FMN1: variants seen among roughly 807,000 people sequenced by gnomAD.
The protein encoded by FMN1 is formin-1.
In FMN1, 110 loss-of-function variants were observed where a neutral mutation model predicts 132.4. That is an observed-to-expected ratio of 0.83 (90% CI 0.71 to 0.97). The LOEUF (loss-of-function observed/expected upper bound fraction) is 0.97. Among genes scored for constraint, FMN1 ranks in the 50% least tolerant of loss-of-function variants. The pLI, the probability that FMN1 is intolerant of heterozygous loss-of-function variation, is 0.00. For synonymous variants in FMN1, 722 were observed against 651.7 expected (o/e 1.11, Z -1.64); for missense variants, 1,792 against 1,705.3 (o/e 1.05, Z -0.90).
chr15:32,984,306 C>CT (rs1160234639), intron 7 of FMN1, among the ~76,000 whole-genome samples: 1 of 151,900 alleles, frequency 6.6e-6, no homozygotes, highest in Non-Finnish European at 1.5e-5. Flanking sequence ...AATATTTTTT[C>CT]TTAGTTTTAA....
intron 7 of FMN1, among the ~76,000 whole-genome samples, chr15:32,975,920 C>T (rs2032165103): frequency 6.6e-6 from 1 of 152,198 alleles, no homozygotes; most frequent in East Asian, 1.9e-4. Context: ...TCAGAGATAT[C>T]ATCGAAGGAA....
intron 6 of FMN1, among the ~76,000 whole-genome samples, chr15:33,015,154 CCTT>C (rs1299551326): frequency 6.6e-6 from 1 of 152,184 alleles, no homozygotes; most frequent in African/African-American, 2.4e-5. Context: ...TTGTTTATTC[CCTT>C]GTTTTCGTTC....
At chr15:32,903,198 CAAGGAATATCCATAAGAGAA>C in intron 12 of FMN1, among the ~76,000 whole-genome samples, 1 of 152,122 alleles carries the variant, frequency 6.6e-6, no homozygotes, top group South Asian at 2.1e-4. Context: ...TTAATGAAAG[CAAGGAATATCCATAAGAGAA>C]AACACAATCT....
intron 7 of FMN1, among the ~76,000 whole-genome samples, chr15:32,973,220 C>G (rs1300517352): frequency 6.6e-6 from 1 of 152,224 alleles, no homozygotes; most frequent in Non-Finnish European, 1.5e-5. Context: ...CACACATCAA[C>G]AGCTCTTCTG....
chr15:32,878,547 T>C (rs1374157819), intron 16 of FMN1, among the ~76,000 whole-genome samples: 1 of 152,168 alleles, frequency 6.6e-6, no homozygotes, highest in African/African-American at 2.4e-5. Context: ...CAGGACTAGC[T>C]GTCAGACATG....
intron 4 of FMN1, among the ~76,000 whole-genome samples, chr15:33,134,728 G>A (rs569830511): frequency 1.3e-5 from 2 of 152,202 alleles, no homozygotes; most frequent in African/African-American, 4.8e-5. Context: ...AAGGCCAGGT[G>A]CGGTGGCTCA....
At chr15:32,814,989 C>A (rs1481616894) in intron 17 of FMN1, among the ~76,000 whole-genome samples, 1 of 152,110 alleles carries the variant, frequency 6.6e-6, no homozygotes, top group Non-Finnish European at 1.5e-5. Context: ...GTCGCCCAGA[C>A]TGGAGTGCAG....
chr15:33,061,276 C>T (rs2037469440), intron 6 of FMN1, among the ~76,000 whole-genome samples: 1 of 152,070 alleles, frequency 6.6e-6, no homozygotes, highest in Non-Finnish European at 1.5e-5. Flanking sequence ...AAATCACCTG[C>T]AATAAAGCTA....
At chr15:33,192,600 A>T (rs1311925275) in intron 2 of FMN1, among the ~76,000 whole-genome samples, 1 of 152,196 alleles carries the variant, frequency 6.6e-6, no homozygotes, top group East Asian at 1.9e-4. Flanking sequence ...TGGTGAGAGA[A>T]ATGCCTGTCC....
At chr15:32,951,895 C>T (rs370139633) in intron 9 of FMN1, among the ~76,000 whole-genome samples, 100 of 152,296 alleles carry the variant, frequency 6.6e-4, no homozygotes, top group African/African-American at 2.3e-3. Context: ...CTAGTGGTGA[C>T]TCTCACCACA....
intron 17 of FMN1, among the ~76,000 whole-genome samples, chr15:32,818,481 C>G (rs1056739425): frequency 6.6e-5 from 10 of 152,092 alleles, no homozygotes; most frequent in Non-Finnish European, 1.5e-4. Flanking sequence ...AGAATTAAGG[C>G]AGATTTTTAT....
intron 6 of FMN1, among the ~76,000 whole-genome samples, chr15:33,027,196 T>C (rs2035717988): frequency 1.3e-5 from 2 of 152,176 alleles, no homozygotes; most frequent in Admixed American, 1.3e-4. Context: ...CACTCTGGTC[T>C]TCTAGTCCAG....
intron 4 of FMN1, among the ~76,000 whole-genome samples, chr15:33,128,298 G>A (rs1054238726): frequency 6.6e-6 from 1 of 152,104 alleles, no homozygotes; most frequent in African/African-American, 2.4e-5. Flanking sequence ...TTTGAACATG[G>A]CTGCTGACTA....
intron 6 of FMN1, among the ~76,000 whole-genome samples, chr15:33,056,884 A>G (rs1308328003): frequency 6.6e-6 from 1 of 152,234 alleles, no homozygotes; most frequent in Non-Finnish European, 1.5e-5. Flanking sequence ...GTTCAAAAGC[A>G]GATGAAACTA....
chr15:32,964,916 T>C (rs533922070), intron 8 of FMN1, among the ~76,000 whole-genome samples: 5 of 152,248 alleles, frequency 3.3e-5, no homozygotes, highest in South Asian at 4.2e-4. Context: ...AAAGTAGCCA[T>C]AGGGAAACTG....
chr15:32,818,928 TAAA>T (rs559611960), intron 17 of FMN1, among the ~76,000 whole-genome samples: 7 of 117,982 alleles, frequency 5.9e-5, no homozygotes, highest in Non-Finnish European at 9.2e-5. Flanking sequence ...TTTCAGAAAG[TAAA>T]AAAAAAAAAA....
intron 6 of FMN1, among the ~76,000 whole-genome samples, chr15:33,036,726 ATTAT>A (rs1456119575): frequency 5.9e-5 from 9 of 152,336 alleles, no homozygotes; most frequent in African/African-American, 2.2e-4. Flanking sequence ...TTAAAATTTA[ATTAT>A]TTAATCCATG....
At chr15:33,058,850 T>A (rs2037354640) in intron 6 of FMN1, among the ~76,000 whole-genome samples, 2 of 152,248 alleles carry the variant, frequency 1.3e-5, no homozygotes, top group African/African-American at 4.8e-5. Flanking sequence ...ATGATTAAAT[T>A]AAGCTAATTA....
At chr15:32,827,646 C>G (rs527617176) in intron 17 of FMN1, among the ~76,000 whole-genome samples, 3 of 151,172 alleles carry the variant, frequency 2.0e-5, no homozygotes, top group African/African-American at 7.3e-5. Context: ...GTCAGGAGAT[C>G]GAGACCATCC....
Sources: gnomAD v4.1 joint callset for allele counts (sites outside exome capture counted in the v4.1 genomes callset) on GRCh38, gnomAD v4.1.1 for gene constraint, MANE v1.5 for transcripts, NCBI Gene and HGNC (gene_info 2026-07-23, HGNC 2026-07-21) for gene names.